Variants in RAB30 observed in about 807,000 individuals in gnomAD.
RAB30 encodes RAB30, member RAS oncogene family, also known as ras-related protein Rab-30.
In RAB30, 9 loss-of-function variants were observed where a neutral mutation model predicts 25.1. The observed-to-expected ratio is 0.36, with a 90% CI of 0.22 to 0.63. The LOEUF is 0.63. Ranked by LOEUF, RAB30 falls within the 20% of genes least tolerant of loss-of-function variation. The probability of loss-of-function intolerance (pLI) is 0.69; values close to 1 mark genes in which losing one functional copy is unlikely to be tolerated. For synonymous variants in RAB30, 77 were observed against 86.4 expected, an observed-to-expected ratio of 0.89 and a Z score of 0.60; for missense variants, 140 against 243.5, an observed-to-expected ratio of 0.58 and a Z score of 2.83.
chr11:83,010,843 CA>C (rs1417390204), intron 1 of RAB30, among the ~76,000 whole-genome samples: 1 of 152,184 alleles, frequency 6.6e-6, no homozygotes, highest in African/African-American at 2.4e-5. Flanking sequence ...TAGAAACAAT[CA>C]AAATGTCCAA....
chr11:83,059,405 T>C (rs1565292120), intron 1 of RAB30, among the ~76,000 whole-genome samples: 1 of 152,260 alleles, frequency 6.6e-6, no homozygotes, highest in Non-Finnish European at 1.5e-5. Flanking sequence ...TGCAGTTTCA[T>C]AGTTTTCCCT....
intron 1 of RAB30, among the ~76,000 whole-genome samples, chr11:83,013,287 G>A (rs916928944): frequency 3.9e-5 from 6 of 152,044 alleles, no homozygotes; most frequent in Non-Finnish European, 5.9e-5. Context: ...GTTTCACCAC[G>A]TTGGCCAGGC....
intron 1 of RAB30, among the ~76,000 whole-genome samples, chr11:82,998,860 T>C (rs540579089): frequency 2.6e-4 from 39 of 152,038 alleles, no homozygotes; most frequent in Admixed American, 1.6e-3. Context: ...TGCTGGGAGA[T>C]AGGAAAGCGT....
intron 1 of RAB30, among the ~76,000 whole-genome samples, chr11:83,063,516 T>A (rs1462465473): frequency 6.6e-6 from 1 of 152,226 alleles, no homozygotes; most frequent in Non-Finnish European, 1.5e-5. Flanking sequence ...CAGGCAGGGA[T>A]AAAGTATTTC....
chr11:83,005,242 G>A (rs116294599), intron 1 of RAB30, among the ~76,000 whole-genome samples: 5,352 of 152,204 alleles, frequency 0.035, 330 homozygotes, highest in African/African-American at 0.12. Context: ...CTGACACACT[G>A]GTGAGTCACA....
At chr11:83,033,362 G>A (rs536689208) in intron 1 of RAB30, among the ~76,000 whole-genome samples, 2 of 151,996 alleles carry the variant, frequency 1.3e-5, no homozygotes, top group East Asian at 1.9e-4. Flanking sequence ...CACTGAGCCC[G>A]GCCTGCCTCA....
chr11:83,066,112 T>C (rs937170810), intron 1 of RAB30, among the ~76,000 whole-genome samples: 3 of 152,350 alleles, frequency 2.0e-5, no homozygotes, highest in African/African-American at 4.8e-5. Context: ...ATTAAATTCC[T>C]CCATACTTGG....
At chr11:83,055,824 G>C (rs1858447776) in intron 1 of RAB30, among the ~76,000 whole-genome samples, 1 of 152,214 alleles carries the variant, frequency 6.6e-6, no homozygotes, top group South Asian at 2.1e-4. Flanking sequence ...GCAGGAACAA[G>C]GCACCATCCA....
Position 83,029,285 on chromosome 11 carries a change from TA to T in RAB30, c.-8-31962del, listed in dbSNP as rs566983207. Among the ~76,000 whole-genome samples the T allele has an allele frequency of 5.7e-4, 87 of 152,218 alleles. 2 individuals are homozygous for T. Among genetic ancestry groups the T allele is most frequent in the African/African-American group, 2.0e-3 (84 of 41,532 alleles). Reference sequence around the variant, plus strand: ...TGATTATAAAGTTTTCAAATATACATAAAAGCAGACCCCCCAACACCCATTA... The same window carrying T: ...TGATTATAAAGTTTTCAAATATACATAAAGCAGACCCCCCAACACCCATTA... On this transcript the variant is annotated intron_variant, in intron 1 of 4. Coordinates refer to ENST00000527633, the MANE Select transcript of RAB30 (RefSeq NM_001286060.2).
At chr11:83,061,705 CTTTTCTTTTTTT>C (rs1656218139) in intron 1 of RAB30, among the ~76,000 whole-genome samples, 1 of 66,512 alleles carries the variant, frequency 1.5e-5, no homozygotes, top group African/African-American at 5.6e-5. Flanking sequence ...TTTTTTCTTT[CTTTTCTTTTTTT>C]TTTTTTTTTT....
At chr11:82,998,615 A>G (rs1351403094) in intron 1 of RAB30, among the ~76,000 whole-genome samples, 1 of 151,748 alleles carries the variant, frequency 6.6e-6, no homozygotes, top group East Asian at 1.9e-4. Context: ...ATTGTAATCT[A>G]CTGGGTGCTT....
rs1555031699 is a variant in RAB30, at chr11:82,987,798, T to C, written c.178-28A>G. ...GTAAAGGCATAAGATAAGAATCAGG[T>C]GAAGAAGGATCAGGTTGGAGAAAAA... On this transcript the variant is annotated intron_variant, in intron 3 of 4. Coordinates refer to ENST00000527633, the MANE Select transcript of RAB30 (RefSeq NM_001286060.2). The C allele has an allele frequency of 5.4e-6, 8 of 1,482,418 alleles. No individual in the cohort carries two copies. The South Asian group carries it at 9.2e-5, about 17-fold the overall frequency. The allele number at this position is 1,482,418 out of a possible 1,614,324, so 91.8% of individuals were successfully genotyped here.
chr11:83,021,108 C>A (rs1227135270), intron 1 of RAB30, among the ~76,000 whole-genome samples: 1 of 152,220 alleles, frequency 6.6e-6, no homozygotes, highest in East Asian at 1.9e-4. Flanking sequence ...AGAGGAGCTG[C>A]TCACTGCGGG....
chr11:83,011,237 T>C (rs116943729), intron 1 of RAB30, among the ~76,000 whole-genome samples: 2,347 of 152,374 alleles, frequency 0.015, 25 homozygotes, highest in Non-Finnish European at 0.025. Flanking sequence ...TTTTGATGTG[T>C]TTCTCCTAGT....
intron 1 of RAB30, among the ~76,000 whole-genome samples, chr11:83,028,722 G>A (rs950929729): frequency 1.3e-5 from 2 of 152,134 alleles, no homozygotes; most frequent in East Asian, 1.9e-4. Context: ...GAGAATAGAA[G>A]AAAGATACTT....
intron 1 of RAB30, among the ~76,000 whole-genome samples, chr11:83,038,172 A>G (rs1229941721): frequency 6.6e-6 from 1 of 152,228 alleles, no homozygotes; most frequent in Non-Finnish European, 1.5e-5. Context: ...ATAAAATCTT[A>G]ATTAATCTAA....
chr11:83,043,361 C>G (rs1335691479), intron 1 of RAB30, among the ~76,000 whole-genome samples: 1 of 152,172 alleles, frequency 6.6e-6, no homozygotes, highest in Non-Finnish European at 1.5e-5. Context: ...AGTTGATCAG[C>G]TGAGCCTAAT....
intron 3 of RAB30, among the ~76,000 whole-genome samples, chr11:82,988,488 T>C (rs1051802244): frequency 6.6e-6 from 1 of 152,246 alleles, no homozygotes. Flanking sequence ...TCAGGTCTCT[T>C]AAGTTCTATG....
chr11:83,005,239 A>C (rs920978887), intron 1 of RAB30, among the ~76,000 whole-genome samples: 3 of 152,192 alleles, frequency 2.0e-5, no homozygotes, highest in Non-Finnish European at 2.9e-5. Context: ...ACTCTGACAC[A>C]CTGGTGAGTC....
Sources: gnomAD v4.1 joint callset for allele counts (sites outside exome capture counted in the v4.1 genomes callset) on GRCh38, gnomAD v4.1.1 for gene constraint, MANE v1.5 for transcripts, NCBI Gene and HGNC (gene_info 2026-07-23, HGNC 2026-07-21) for gene names.